Variants in RFX2 observed in about 807,000 individuals in gnomAD.
RFX2 encodes the protein DNA-binding protein RFX2.
RFX2 carries 20 observed loss-of-function variants against 87.8 expected under a neutral mutation model. The ratio of observed to expected loss-of-function variants is 0.23; its 90% CI spans 0.16 to 0.33. The LOEUF (loss-of-function observed/expected upper bound fraction) is 0.33. RFX2 is among the 10% of genes least tolerant of loss of function. The pLI is 1.00. For synonymous variants in RFX2, 397 were observed against 431.3 expected, an observed-to-expected ratio of 0.92 and a Z score of 0.98; for missense variants, 767 against 1,012.3, an observed-to-expected ratio of 0.76 and a Z score of 3.29.
chr19:6,056,893 A>T lies in RFX2; in HGVS notation c.-8-9389T>A, dbSNP rs1181443079. 6.6e-6 allele frequency among the ~76,000 whole-genome samples: 1 copy of T among 152,060 alleles called. No individual in the cohort carries two copies. Among genetic ancestry groups the T allele is most frequent in the Non-Finnish European group, 1.5e-5 (1 of 68,010 alleles). ...TATAAAGGGGAGGGGCCGCAACACG[A>T]CCTGTCACCCAGCCTGGCCCTGCCT... On this transcript the variant is annotated intron_variant, in intron 1 of 17. Transcript: ENST00000303657. The surrounding 1 kb of genome is among the most constrained non-coding windows in gnomAD (Gnocchi z 4.6).
chr19:6,014,500 A>G (rs2086699019), intron 7 of RFX2, among the ~76,000 whole-genome samples: 1 of 152,148 alleles, frequency 6.6e-6, no homozygotes, highest in African/African-American at 2.4e-5. Context: ...TGGCCTCCCA[A>G]TGTGCTAGGA....
intron 5 of RFX2, among the ~76,000 whole-genome samples, chr19:6,035,841 T>C (rs1356534650): frequency 7.8e-6 from 1 of 128,310 alleles, no homozygotes; most frequent in Non-Finnish European, 1.7e-5. Context: ...CCCCCAGAGC[T>C]TGGTGGGGGG....
rs542420606 is a variant in RFX2, at chr19:6,045,037, A to G, written c.91-755T>C. ...ACAGGAGTGTTTTGTGTGTTTATTG[A>G]GAGCTGGGGCTTTCGGAGTCATTGG... On this transcript the variant is annotated intron_variant, in intron 2 of 17. Transcript: ENST00000303657. This position sits in a 1 kb window ranked among gnomAD's most constrained non-coding sequence, Gnocchi z 5.2. 6.6e-6 allele frequency among the ~76,000 whole-genome samples: 1 copy of G among 152,294 alleles called. No individual in the cohort carries two copies. The highest frequency in any genetic ancestry group is 1.9e-4 in the East Asian group (1 of 5,186).
chr19:5,994,999 A>G, intron 17 of RFX2, 49 bp from the exon 18 acceptor site: 1 of 1,418,754 alleles, frequency 7.0e-7, no homozygotes, highest in Non-Finnish European at 9.8e-7. Flanking sequence ...AGGGCACGAG[A>G]GGGAGAGAAG....
Position 6,047,654 on chromosome 19 carries a change from G to C in RFX2, c.-8-150C>G. On this transcript the variant is annotated intron_variant, in intron 1 of 17. Transcript: ENST00000303657. The surrounding 1 kb of genome is among the most constrained non-coding windows in gnomAD (Gnocchi z 4.2). Reference sequence around the variant, plus strand: ...GACCCTGGTGGTACTGCCTAAGTGAGGAGCTGCGGAAACAGGCTGCACAAC... The same window carrying C: ...GACCCTGGTGGTACTGCCTAAGTGACGAGCTGCGGAAACAGGCTGCACAAC... 1.5e-6 allele frequency: 1 copy of C among 660,798 alleles called. No individual in the cohort carries two copies. The highest frequency in any genetic ancestry group is 1.7e-5 in the South Asian group (1 of 57,780). 40.9% of individuals were successfully genotyped at this position (660,798 alleles called of 1,614,324 possible). A position where few individuals can be genotyped will look rare whatever the true frequency, so the allele number is the denominator to read the frequency against.
chr19:6,025,153 A>T (rs1429618251), intron 6 of RFX2, among the ~76,000 whole-genome samples: 2 of 152,162 alleles, frequency 1.3e-5, no homozygotes. Flanking sequence ...AAACCGAATC[A>T]AGAGCGTTTG....
Position 6,040,054 on chromosome 19 carries a change from C to T in RFX2, c.448G>A (p.Ala150Thr), listed in dbSNP as rs761110551. ...GGSPIVSSAGAYLIHGGMDST... is the reference protein window; with the variant it reads ...GGSPIVSSAGTYLIHGGMDST... ...TCCATCCCCCCGTGGATGAGATAGG[C>T]TCCCGCGCTGGAGACGATGGGGCTC... Residue 150 changes from alanine to threonine, a missense_variant, in exon 5 of 18, where the codon GCC becomes ACC. This residue lies in a region of RFX2 where 621 missense variants were observed against 873.0 expected (regional missense o/e 0.71). Coordinates refer to ENST00000303657, the MANE Select transcript of RFX2 (RefSeq NM_000635.4). The surrounding 1 kb of genome is among the most constrained non-coding windows in gnomAD (Gnocchi z 6.1). The T allele has an allele frequency of 4.3e-6, 7 of 1,611,392 alleles. No individual in the cohort carries two copies. The Admixed American group carries it at 1.0e-4, about 23-fold the overall frequency.
Position 6,020,996 on chromosome 19 carries a change from C to G in RFX2, c.598-4725G>C, listed in dbSNP as rs2086803774. 6.6e-6 allele frequency among the ~76,000 whole-genome samples: 1 copy of G among 152,180 alleles called. No individual in the cohort carries two copies. Among genetic ancestry groups the G allele is most frequent in the Admixed American group, 6.5e-5 (1 of 15,274 alleles). The stretch of plus-strand genomic sequence containing the variant: ...CAACAAAGGCCTGTGGTTCTGGGCT[C>G]TTTGCAGGCACAGCCCCTGTGGACA... On this transcript the variant is annotated intron_variant, in intron 6 of 17. Coordinates refer to ENST00000303657, the MANE Select transcript of RFX2 (RefSeq NM_000635.4). The surrounding 1 kb of genome is among the most constrained non-coding windows in gnomAD (Gnocchi z 5.3).
intron 1 of RFX2, among the ~76,000 whole-genome samples, chr19:6,075,168 T>G (rs557502388): frequency 6.6e-6 from 1 of 152,096 alleles, no homozygotes; most frequent in Non-Finnish European, 1.5e-5. Context: ...GAGATGTGTG[T>G]CTGTTGTTTA....
chr19:6,050,255 A>G lies in RFX2; in HGVS notation c.-8-2751T>C, dbSNP rs144393162. 7.0e-3 allele frequency among the ~76,000 whole-genome samples: 1,074 copies of G among 152,346 alleles called. 10 individuals carry two copies. Among genetic ancestry groups the G allele is most frequent in the African/African-American group, 0.025 (1,026 of 41,570 alleles). On this transcript the variant is annotated intron_variant, in intron 1 of 17. Transcript: ENST00000303657. The surrounding 1 kb of genome is among the most constrained non-coding windows in gnomAD (Gnocchi z 4.6). ...ACTCAGATGAACCTACAGATTCTACAATACATCATTAATGATGTCCAGGAC... is the reference window on the plus strand; with the variant it reads ...ACTCAGATGAACCTACAGATTCTACGATACATCATTAATGATGTCCAGGAC...
At chr19:6,038,339 A>C (rs199855644) in intron 5 of RFX2, among the ~76,000 whole-genome samples, 6 of 148,770 alleles carry the variant, frequency 4.0e-5, no homozygotes, top group East Asian at 2.0e-4. Context: ...AAAAAAAAAA[A>C]AAAAAAAAAA....
In RFX2 at chr19:5,998,480, G is replaced by C. The variant is rs1171830666; in HGVS notation, c.1860-1267C>G. ...AACTCTGTTACGTCTAATCGGTATC[G>C]AGCGATAAAAAGAAGACACAGGCTT... is the stretch of plus-strand genomic sequence containing the variant. On this transcript the variant is annotated intron_variant, in intron 15 of 17. Transcript: ENST00000303657. The surrounding 1 kb of genome is among the most constrained non-coding windows in gnomAD (Gnocchi z 4.2). 6.6e-6 allele frequency among the ~76,000 whole-genome samples: 1 copy of C among 152,250 alleles called. No homozygotes were observed. Among genetic ancestry groups the C allele is most frequent in the Admixed American group, 6.5e-5 (1 of 15,284 alleles).
intron 1 of RFX2, among the ~76,000 whole-genome samples, chr19:6,080,413 G>C (rs1195135554): frequency 6.6e-6 from 1 of 152,232 alleles, no homozygotes; most frequent in Non-Finnish European, 1.5e-5. Flanking sequence ...GAGCAGGTCA[G>C]ATGAAAGTGC....
chr19:6,073,243 G>A lies in RFX2; in HGVS notation c.-8-25739C>T, dbSNP rs1187159787. The A allele has an allele frequency of 7.7e-6, 5 of 649,382 alleles. No individual in the cohort carries two copies. The Admixed American group carries it at 9.8e-5, about 13-fold the overall frequency. The allele number at this position is 649,382 out of a possible 1,614,324, so 40.2% of individuals were successfully genotyped here. ...GATCCACCCTCCTCAGCCTCCCAAA[G>A]TGCTGGGATTACAGACATGAGCCAC... On this transcript the variant is annotated intron_variant, in intron 1 of 17. Coordinates refer to ENST00000303657, the MANE Select transcript of RFX2 (RefSeq NM_000635.4).
In RFX2 at chr19:5,999,164, G is replaced by A. The variant is rs1410682989; in HGVS notation, c.1860-1951C>T. Among the ~76,000 whole-genome samples, 1 of 152,202 alleles carries A rather than the reference G, an allele frequency of 6.6e-6. No individual in the cohort carries two copies. The highest frequency in any genetic ancestry group is 1.5e-5 in the Non-Finnish European group (1 of 68,048). The stretch of plus-strand genomic sequence containing the variant: ...CCAGCTATTCAGGAGGCTGAGGCAC[G>A]AGAAGTGCTTGAACCCGGGAAGGGG... On this transcript the variant is annotated intron_variant, in intron 15 of 17. Coordinates refer to ENST00000303657, the MANE Select transcript of RFX2 (RefSeq NM_000635.4). The surrounding 1 kb of genome is among the most constrained non-coding windows in gnomAD (Gnocchi z 4.1).
intron 1 of RFX2, among the ~76,000 whole-genome samples, chr19:6,108,936 G>A (rs1182005872): frequency 1.3e-5 from 2 of 151,956 alleles, no homozygotes; most frequent in African/African-American, 4.8e-5. Context: ...GAACGGAGCC[G>A]GAGGCTGGTG....
At chr19:6,073,960 T>C (rs2087645937) in intron 1 of RFX2, among the ~76,000 whole-genome samples, 1 of 152,096 alleles carries the variant, frequency 6.6e-6, no homozygotes, top group Non-Finnish European at 1.5e-5. Context: ...AAAGTGTGTG[T>C]CTCGTCCTCA....
Position 5,993,588 on chromosome 19 carries a change from T to C in RFX2, c.*1247A>G, listed in dbSNP as rs970411596. On this transcript the variant is annotated 3_prime_UTR_variant, in exon 18 of 18. Coordinates refer to ENST00000303657, the MANE Select transcript of RFX2 (RefSeq NM_000635.4). Reference sequence around the variant, plus strand: ...GCACAAAACTATTGGTATAAACATTTTTCCAAAAAGAGAAAACTATTGCAT... The same window carrying C: ...GCACAAAACTATTGGTATAAACATTCTTCCAAAAAGAGAAAACTATTGCAT... The C allele has an allele frequency of 2.6e-5, 4 of 152,232 alleles. No individual in the cohort carries two copies. Among genetic ancestry groups the C allele is most frequent in the African/African-American group, 7.2e-5 (3 of 41,460 alleles). The allele number at this position is 152,232 out of a possible 1,614,324, so 9.4% of individuals were successfully genotyped here.
chr19:6,109,690 G>A (rs1439127125), intron 1 of RFX2, among the ~76,000 whole-genome samples: 1 of 152,220 alleles, frequency 6.6e-6, no homozygotes, highest in Non-Finnish European at 1.5e-5. Context: ...GGTTTGGGGA[G>A]TAAAGTAAGA....
Sources: gnomAD v4.1 joint callset for allele counts (sites outside exome capture counted in the v4.1 genomes callset) on GRCh38, gnomAD v4.1.1 for gene constraint, gnomAD v4.1.1 regional missense constraint, Gnocchi (gnomAD v3.1) non-coding constraint, MANE v1.5 for transcripts, NCBI Gene and HGNC (gene_info 2026-07-23, HGNC 2026-07-21) for gene names.